The following ASXL3 variants were observed in gnomAD, a reference collection of about 807,000 sequenced individuals.
The protein encoded by ASXL3 is putative Polycomb group protein ASXL3.
A neutral mutation model predicts 170.6 loss-of-function variants in ASXL3; 34 were observed. The ratio of observed to expected loss-of-function variants is 0.20; its 90% CI spans 0.15 to 0.27. ASXL3 has a LOEUF of 0.27. Among genes scored for constraint, ASXL3 ranks in the 10% least tolerant of loss-of-function variants. ASXL3 has a pLI of 1.00. For synonymous variants in ASXL3, 1,002 were observed against 989.1 expected (o/e 1.01, Z -0.24); for missense variants, 2,592 against 2,695.3 (o/e 0.96, Z 0.85).
intron 2 of ASXL3, among the ~76,000 whole-genome samples, chr18:33,613,543 A>G (rs369541529): frequency 6.1e-4 from 93 of 152,240 alleles, no homozygotes; most frequent in South Asian, 1.7e-3. Flanking sequence ...CCCAGTGCAT[A>G]TAAAAGTCGT....
chr18:33,744,603 C>A lies in ASXL3; in HGVS notation c.4755C>A (p.Gly1585=). Residue 1585 remains glycine, a synonymous_variant, in exon 12 of 12, where the codon GGC becomes GGA. Transcript: ENST00000269197. ...PSHNFAEQAR[G]PAPFKSEADT... is the part of the protein sequence containing the mutation. ...ATAACTTTGCTGAGCAGGCACGTGGCCCAGCTCCTTTCAAAAGTGAAGCAG... is the reference window on the plus strand; with the variant it reads ...ATAACTTTGCTGAGCAGGCACGTGGACCAGCTCCTTTCAAAAGTGAAGCAG... 6.2e-7 allele frequency: 1 copy of A among 1,608,796 alleles called. No individual in the cohort carries two copies. Among genetic ancestry groups the A allele is most frequent in the South Asian group, 1.1e-5 (1 of 90,220 alleles).
intron 1 of ASXL3, among the ~76,000 whole-genome samples, chr18:33,602,822 T>A (rs906553675): frequency 3.2e-5 from 4 of 126,180 alleles, no homozygotes; most frequent in Non-Finnish European, 5.2e-5. Flanking sequence ...AAATAACATA[T>A]GTTGTGTGAA....
intron 6 of ASXL3, 143 bp from the exon 7 acceptor site, chr18:33,671,604 G>C: frequency 1.6e-6 from 1 of 632,498 alleles, no homozygotes; most frequent in South Asian, 3.3e-5. Context: ...TTTATATCCA[G>C]TAGGGGAATC....
intron 1 of ASXL3, among the ~76,000 whole-genome samples, chr18:33,599,243 A>T (rs1424941110): frequency 6.6e-6 from 1 of 152,166 alleles, no homozygotes; most frequent in African/African-American, 2.4e-5. Context: ...AGACTTATAC[A>T]TCAGGAAGAT....
At chr18:33,667,075 A>G (rs560055880) in intron 5 of ASXL3, among the ~76,000 whole-genome samples, 1 of 152,222 alleles carries the variant, frequency 6.6e-6, no homozygotes, top group East Asian at 1.9e-4. Flanking sequence ...AGCGTGGTTT[A>G]TGTCAGTGTT....
In ASXL3 at chr18:33,646,234, AAAT is replaced by A; in HGVS notation, c.247-6_247-4del. The A allele has an allele frequency of 1.2e-6, 2 of 1,606,444 alleles. No homozygotes were observed. The highest frequency in any genetic ancestry group is 1.7e-6 in the Non-Finnish European group (2 of 1,174,910). ...CTTCTCCATAAATCATCACTTTTCA[AAAT>A]AATACAGAAAGAGGAGTCGTCATGC... On this transcript the variant is annotated splice_region_variant and splice_polypyrimidine_tract_variant and intron_variant, in intron 3 of 11. Coordinates refer to ENST00000269197, the MANE Select transcript of ASXL3 (RefSeq NM_030632.3).
chr18:33,598,113 C>T (rs930838553), intron 1 of ASXL3, among the ~76,000 whole-genome samples: 1 of 152,062 alleles, frequency 6.6e-6, no homozygotes, highest in African/African-American at 2.4e-5. Flanking sequence ...ATACACTAAG[C>T]ACCTTAATTT....
chr18:33,724,452 A>G (rs2067313871), intron 8 of ASXL3, among the ~76,000 whole-genome samples: 1 of 152,094 alleles, frequency 6.6e-6, no homozygotes, highest in South Asian at 2.1e-4. Context: ...AGAGGAATAT[A>G]GTCTCTAGCA....
intron 7 of ASXL3, among the ~76,000 whole-genome samples, chr18:33,676,243 A>AAAAAAAAAAAAAAAAAAAC: frequency 6.7e-6 from 1 of 149,984 alleles, no homozygotes; most frequent in Non-Finnish European, 1.5e-5. Flanking sequence ...AAAAAAAAAA[A>AAAAAAAAAAAAAAAAAAAC]AAAATTATTC....
chr18:33,721,860 A>G (rs1055067754), intron 8 of ASXL3, among the ~76,000 whole-genome samples: 2 of 151,820 alleles, frequency 1.3e-5, no homozygotes, highest in Admixed American at 6.6e-5. Context: ...GCATCATTCC[A>G]TTTTTCCAAC....
At chr18:33,713,238 G>GTTTTTT (rs1568343410) in intron 8 of ASXL3, among the ~76,000 whole-genome samples, 1 of 44,506 alleles carries the variant, frequency 2.2e-5, no homozygotes, top group Non-Finnish European at 4.5e-5. Context: ...GGTTTTTTTT[G>GTTTTTT]TTTTGTTTTG....
intron 1 of ASXL3, among the ~76,000 whole-genome samples, chr18:33,582,738 G>A (rs193165994): frequency 7.3e-6 from 1 of 136,826 alleles, no homozygotes; most frequent in Non-Finnish European, 1.6e-5. Context: ...GTGTGTGTGT[G>A]TGTTTTCTTG....
At chr18:33,742,490 CAA>C (rs1280007948) in intron 11 of ASXL3, among the ~76,000 whole-genome samples, 1 of 152,082 alleles carries the variant, frequency 6.6e-6, no homozygotes, top group African/African-American at 2.4e-5. Flanking sequence ...CAGACAAACT[CAA>C]ATAGAGTTGA....
chr18:33,628,645 A>G (rs1238917875), intron 2 of ASXL3, among the ~76,000 whole-genome samples: 1 of 152,226 alleles, frequency 6.6e-6, no homozygotes, highest in African/African-American at 2.4e-5. Flanking sequence ...GAAGGCAATC[A>G]GGTGGTTAGT....
chr18:33,746,028 C>A lies in ASXL3; in HGVS notation c.6180C>A (p.Thr2060=), dbSNP rs201585421. 6.2e-7 allele frequency: 1 copy of A among 1,611,500 alleles called. No individual in the cohort carries two copies. Among genetic ancestry groups the A allele is most frequent in the Non-Finnish European group, 8.5e-7 (1 of 1,179,462 alleles). The part of the protein sequence containing the change: ...VPSDQKQPPV[T]METTKRLSWP... The stretch of plus-strand genomic sequence containing the variant: ...CTGATCAAAAACAACCTCCAGTTAC[C>A]ATGGAAACCACTAAGAGACTTAGTT... Residue 2060 remains threonine (T), a synonymous_variant, in exon 12 of 12, where the codon ACC becomes ACA. Transcript: ENST00000269197.
chr18:33,588,363 T>C (rs1423260203), intron 1 of ASXL3, among the ~76,000 whole-genome samples: 1 of 151,898 alleles, frequency 6.6e-6, no homozygotes, highest in Admixed American at 6.6e-5. Flanking sequence ...GAGCAGGTTT[T>C]TTTTTTTTTT....
At chr18:33,673,019 T>A (rs2066369797) in intron 7 of ASXL3, among the ~76,000 whole-genome samples, 1 of 152,210 alleles carries the variant, frequency 6.6e-6, no homozygotes, top group Non-Finnish European at 1.5e-5. Context: ...AAATGTATGT[T>A]TGTGTATAAC....
Position 33,739,019 on chromosome 18 carries a change from G to A in ASXL3, c.1615G>A (p.Val539Ile), listed in dbSNP as rs373509292. 6.2e-7 allele frequency: 1 copy of A among 1,613,626 alleles called. No homozygotes were observed. Among genetic ancestry groups the A allele is most frequent in the Non-Finnish European group, 8.5e-7 (1 of 1,179,728 alleles). ...GACAGTTGTTATCGATCAGTTAGAA[G>A]TCTGTGACTCTCTTATTCCTTCCAC... ...EMTVVIDQLE[V>I]CDSLIPSTSS... The change falls in exon 11 of 12, where the codon GTC (valine) becomes ATC (isoleucine). Residue 539 changes from valine (V) to isoleucine (I), a missense_variant. Physicochemically the swap from Val to Ile is conservative, Grantham distance 29. Coordinates refer to ENST00000269197, the MANE Select transcript of ASXL3 (RefSeq NM_030632.3).
Position 33,622,448 on chromosome 18 carries a change from C to T in ASXL3, c.137+14772C>T, listed in dbSNP as rs12604829. The stretch of plus-strand genomic sequence containing the variant: ...TTTCTTAGTTTGGAGAATCAAGATC[C>T]AAGAAATTAGCTGTTTACTTTATAG... On this transcript the variant is annotated intron_variant, in intron 2 of 11. Transcript: ENST00000269197. 2.2e-4 allele frequency among the ~76,000 whole-genome samples: 33 copies of T among 152,186 alleles called. 1 individual carries two copies. The East Asian group carries it at 5.0e-3, about 23-fold the overall frequency.
Sources: allele counts gnomAD v4.1 joint callset (sites outside exome capture counted in the v4.1 genomes callset), GRCh38; gene constraint gnomAD v4.1.1; transcripts MANE v1.5; gene names NCBI Gene and HGNC (gene_info 2026-07-23, HGNC 2026-07-21).